Variants in PIP4K2A observed in about 807,000 individuals in gnomAD.
The protein encoded by PIP4K2A is phosphatidylinositol-5-phosphate 4-kinase type 2 alpha.
Under a neutral mutation model 42.9 loss-of-function variants are expected in PIP4K2A, and 14 were observed. The ratio of observed to expected loss-of-function variants is 0.33; its 90% CI spans 0.22 to 0.51. PIP4K2A has a LOEUF of 0.51. PIP4K2A is among the 20% of genes least tolerant of loss of function. The pLI is 0.97. For missense variants in PIP4K2A, 434 were observed against 519.8 expected (o/e 0.83, Z 1.61); for synonymous variants, 192 against 192.2 (o/e 1.00, Z 0.01).
chr10:22,575,030 G>A (rs540238810), intron 4 of PIP4K2A, among the ~76,000 whole-genome samples: 3 of 152,174 alleles, frequency 2.0e-5, no homozygotes, highest in East Asian at 1.9e-4. Flanking sequence ...CTCCATTTAC[G>A]AGCTGTGAGA....
rs1836196589 is a variant in PIP4K2A at position 22,544,041 on chromosome 10, G to C, written c.793-1994C>G. 3.3e-5 allele frequency among the ~76,000 whole-genome samples: 5 copies of C among 152,176 alleles called. No homozygotes were observed. The South Asian group carries it at 1.0e-3, about 31-fold the overall frequency. On this transcript the variant is annotated intron_variant, in intron 7 of 9. Transcript: ENST00000376573. ...CTCTGCTCTCTATCAGCTACCTCTG[G>C]AGGCTGCCTTAAAGCAGCTTTCCCC...
rs1282845910 is a variant in PIP4K2A, at chr10:22,567,901, G to A, written c.640-12C>T. ...GCCACTGTAGAGCCCTGAAACACAA[G>A]GCAATAATAAAAACATGCGCATGGG... On this transcript the variant is annotated splice_polypyrimidine_tract_variant and intron_variant, in intron 5 of 9. Coordinates refer to ENST00000376573, the MANE Select transcript of PIP4K2A (RefSeq NM_005028.5). 6.2e-7 allele frequency: 1 copy of A among 1,612,994 alleles called. No individual in the cohort carries two copies. The highest frequency in any genetic ancestry group is 8.5e-7 in the Non-Finnish European group (1 of 1,178,924).
In PIP4K2A at chr10:22,634,616, C is replaced by T. The variant is rs566262416; in HGVS notation, c.145-24899G>A. Among the ~76,000 whole-genome samples the T allele has an allele frequency of 4.6e-5, 7 of 152,238 alleles. No homozygotes were observed. In the South Asian group the frequency reaches 1.5e-3, roughly 32 times the overall value. Reference sequence around the variant, plus strand: ...TTATTCACATTAGAAATGGAGACTGCCTTAAAGAAGGATGCACTTATGTAT... The same window carrying T: ...TTATTCACATTAGAAATGGAGACTGTCTTAAAGAAGGATGCACTTATGTAT... On this transcript the variant is annotated intron_variant, in intron 1 of 9. Coordinates refer to ENST00000376573, the MANE Select transcript of PIP4K2A (RefSeq NM_005028.5).
chr10:22,693,007 C>T (rs1200586647), intron 1 of PIP4K2A, among the ~76,000 whole-genome samples: 1 of 152,200 alleles, frequency 6.6e-6, no homozygotes, highest in African/African-American at 2.4e-5. Context: ...CCCATTTTGC[C>T]TTGGCTTTCA....
chr10:22,590,355 T>C (rs1423995782), intron 4 of PIP4K2A, among the ~76,000 whole-genome samples: 8 of 152,240 alleles, frequency 5.3e-5, no homozygotes, highest in Non-Finnish European at 7.3e-5. Context: ...TCATACCATA[T>C]GACTACAATT....
chr10:22,593,589 A>C (rs1348730131), intron 3 of PIP4K2A, among the ~76,000 whole-genome samples: 1 of 152,254 alleles, frequency 6.6e-6, no homozygotes, highest in African/African-American at 2.4e-5. Context: ...AATCAAAGTG[A>C]ATTTCCCCTT....
chr10:22,606,030 C>T lies in PIP4K2A; in HGVS notation c.339+1897G>A, dbSNP rs139675034. Among the ~76,000 whole-genome samples, 44 of 151,928 alleles carry T rather than the reference C, an allele frequency of 2.9e-4. No individual in the cohort carries two copies. In the East Asian group the frequency reaches 7.4e-3, roughly 25 times the overall value. ...CAAGTCCATAATTGTGATCTAAGTT[C>T]TCTCTTAAAAATTAAGCCCCAAGGC... is the stretch of plus-strand genomic sequence containing the variant. On this transcript the variant is annotated intron_variant, in intron 3 of 9. Coordinates refer to ENST00000376573, the MANE Select transcript of PIP4K2A (RefSeq NM_005028.5).
intron 1 of PIP4K2A, among the ~76,000 whole-genome samples, chr10:22,616,339 C>G (rs148316571): frequency 4.6e-5 from 7 of 152,184 alleles, no homozygotes; most frequent in Admixed American, 2.0e-4. Flanking sequence ...CCAAGACCCA[C>G]GTGAGGCACT....
intron 1 of PIP4K2A, among the ~76,000 whole-genome samples, chr10:22,649,865 C>T (rs1838957152): frequency 6.6e-6 from 1 of 152,160 alleles, no homozygotes; most frequent in South Asian, 2.1e-4. Context: ...CGATATCAGC[C>T]CTACTTTTTT....
intron 1 of PIP4K2A, among the ~76,000 whole-genome samples, chr10:22,678,517 A>G (rs1839604127): frequency 6.6e-6 from 1 of 152,178 alleles, no homozygotes; most frequent in Non-Finnish European, 1.5e-5. Flanking sequence ...GTAAAAAATA[A>G]ATAAATAAAT....
Position 22,664,154 on chromosome 10 carries a change from C to CGT in PIP4K2A, c.144+50028_144+50029insAC, listed in dbSNP as rs372316543. Among the ~76,000 whole-genome samples, 40 of 62,280 alleles carry CGT rather than the reference C, an allele frequency of 6.4e-4. 2 individuals carry two copies. The highest frequency in any genetic ancestry group is 4.6e-3 in the South Asian group (12 of 2,628). The allele number at this position is 62,280 out of a possible 152,430, so 40.9% of individuals were successfully genotyped here. A position where few individuals can be genotyped will look rare whatever the true frequency, so the allele number is the denominator to read the frequency against. ...ACATATATATATACATATATATACA[C>CGT]ATATATATATATACATATATATATA... On this transcript the variant is annotated intron_variant, in intron 1 of 9. Transcript: ENST00000376573.
chr10:22,585,957 C>A (rs751005624), intron 4 of PIP4K2A, among the ~76,000 whole-genome samples: 1 of 143,950 alleles, frequency 6.9e-6, no homozygotes, highest in Admixed American at 6.8e-5. Flanking sequence ...AATGAATTCA[C>A]GTCAGTGCGG....
At chr10:22,583,086 C>T (rs974376081) in intron 4 of PIP4K2A, among the ~76,000 whole-genome samples, 1 of 152,164 alleles carries the variant, frequency 6.6e-6, no homozygotes, top group Non-Finnish European at 1.5e-5. Flanking sequence ...AGTACATACA[C>T]GGATGTGCCT....
intron 3 of PIP4K2A, among the ~76,000 whole-genome samples, chr10:22,594,948 C>T (rs892295166): frequency 6.6e-6 from 1 of 152,144 alleles, no homozygotes; most frequent in African/African-American, 2.4e-5. Context: ...TAGCCCCAAC[C>T]CACACTATCT....
At chr10:22,669,468 C>T (rs190793255) in intron 1 of PIP4K2A, among the ~76,000 whole-genome samples, 1 of 151,960 alleles carries the variant, frequency 6.6e-6, no homozygotes, top group East Asian at 1.9e-4. Context: ...ATGAAAAAAA[C>T]AAAAACAAAC....
intron 1 of PIP4K2A, among the ~76,000 whole-genome samples, chr10:22,633,228 G>A (rs1421214918): frequency 1.3e-5 from 2 of 152,138 alleles, no homozygotes; most frequent in African/African-American, 4.8e-5. Context: ...GCTCTCAACT[G>A]CCTCTTGTTT....
intron 6 of PIP4K2A, among the ~76,000 whole-genome samples, chr10:22,553,789 C>CTTTTT (rs3074629): frequency 8.4e-6 from 1 of 118,518 alleles, no homozygotes; most frequent in African/African-American, 3.2e-5. Context: ...GGTTGAAAAA[C>CTTTTT]TTTTTTTTTT....
intron 3 of PIP4K2A, among the ~76,000 whole-genome samples, chr10:22,603,439 C>CT (rs1448531110): frequency 6.6e-6 from 1 of 152,078 alleles, no homozygotes; most frequent in Non-Finnish European, 1.5e-5. Flanking sequence ...CTGCACCCCT[C>CT]TTTCCAGTCT....
chr10:22,633,504 G>A (rs1197645077), intron 1 of PIP4K2A, among the ~76,000 whole-genome samples: 2 of 152,028 alleles, frequency 1.3e-5, no homozygotes, highest in Admixed American at 6.5e-5. Flanking sequence ...GTAAGGAGAG[G>A]GAAAAAATAT....
Sources: allele counts gnomAD v4.1 joint callset (sites outside exome capture counted in the v4.1 genomes callset), GRCh38; gene constraint gnomAD v4.1.1; transcripts MANE v1.5; gene names NCBI Gene and HGNC (gene_info 2026-07-23, HGNC 2026-07-21).